Variants in NCKAP5 observed in about 807,000 individuals in gnomAD.
The protein encoded by NCKAP5 is nck-associated protein 5.
In NCKAP5, 92 loss-of-function variants were observed where a neutral mutation model predicts 167.0. That is an observed-to-expected ratio of 0.55 (90% CI 0.47 to 0.66). The LOEUF (loss-of-function observed/expected upper bound fraction) is 0.66, where lower values mean the gene tolerates loss of function less well. Ranked by LOEUF, NCKAP5 falls within the 30% of genes least tolerant of loss-of-function variation. NCKAP5 has a pLI of 0.00. For missense variants in NCKAP5, 2,378 were observed against 2,315.0 expected, an observed-to-expected ratio of 1.03 and a Z score of -0.56; for synonymous variants, 891 against 877.4, an observed-to-expected ratio of 1.02 and a Z score of -0.27.
chr2:133,275,293 T>C (rs1414045516), intron 4 of NCKAP5, among the ~76,000 whole-genome samples: 4 of 152,066 alleles, frequency 2.6e-5, no homozygotes, highest in Non-Finnish European at 5.9e-5. Context: ...CTCTTCCACA[T>C]TGCAGGTGGG....
chr2:132,814,944 T>C (rs1686149063), intron 11 of NCKAP5, among the ~76,000 whole-genome samples: 1 of 152,214 alleles, frequency 6.6e-6, no homozygotes, highest in Non-Finnish European at 1.5e-5. Flanking sequence ...AATGTGAATC[T>C]GTGAAGCAGG....
intron 6 of NCKAP5, among the ~76,000 whole-genome samples, chr2:133,049,071 G>A (rs925546429): frequency 3.3e-5 from 5 of 152,212 alleles, no homozygotes; most frequent in Non-Finnish European, 7.3e-5. Flanking sequence ...ATCATCTGAA[G>A]TGTAAAGAGA....
chr2:133,112,304 C>T (rs1574065465), intron 6 of NCKAP5, among the ~76,000 whole-genome samples: 1 of 152,210 alleles, frequency 6.6e-6, no homozygotes, highest in South Asian at 2.1e-4. Flanking sequence ...GAAACCCCGT[C>T]TCTACTAAAA....
intron 2 of NCKAP5, among the ~76,000 whole-genome samples, chr2:133,534,659 G>A (rs573212761): frequency 6.6e-6 from 1 of 152,124 alleles, no homozygotes; most frequent in East Asian, 1.9e-4. Context: ...GCAGCACGTG[G>A]CAATGCTTCA....
chr2:133,400,106 C>A (rs1688003046), intron 3 of NCKAP5, among the ~76,000 whole-genome samples: 1 of 152,146 alleles, frequency 6.6e-6, no homozygotes, highest in Admixed American at 6.6e-5. Flanking sequence ...CCCACTCCCA[C>A]ACACTTTTTT....
intron 6 of NCKAP5, among the ~76,000 whole-genome samples, chr2:133,092,756 T>G (rs1333585036): frequency 6.6e-6 from 1 of 152,128 alleles, no homozygotes; most frequent in Non-Finnish European, 1.5e-5. Context: ...CGTTTTATGG[T>G]TTTTTGCCCA....
intron 19 of NCKAP5, among the ~76,000 whole-genome samples, chr2:132,704,702 C>T (rs1459325635): frequency 1.3e-5 from 2 of 152,178 alleles, no homozygotes; most frequent in East Asian, 3.9e-4. Flanking sequence ...TCAGTTTAGT[C>T]TCCATGGTTC....
At chr2:133,530,314 T>G (rs1685261904) in intron 2 of NCKAP5, among the ~76,000 whole-genome samples, 1 of 152,124 alleles carries the variant, frequency 6.6e-6, no homozygotes, top group East Asian at 1.9e-4. Context: ...TCACACTGCT[T>G]TAATTATGAG....
At chr2:133,316,107 C>T (rs1681591055) in intron 3 of NCKAP5, among the ~76,000 whole-genome samples, 1 of 152,132 alleles carries the variant, frequency 6.6e-6, no homozygotes, top group Admixed American at 6.5e-5. Flanking sequence ...GCCAGTTCTC[C>T]TTGGGACACT....
chr2:132,965,113 G>A (rs1263438467), intron 7 of NCKAP5, among the ~76,000 whole-genome samples: 2 of 152,100 alleles, frequency 1.3e-5, no homozygotes, highest in Non-Finnish European at 2.9e-5. Context: ...AACCTGTTAT[G>A]TACAGATTTC....
At chr2:133,221,466 T>C (rs189173853) in intron 4 of NCKAP5, among the ~76,000 whole-genome samples, 3 of 152,350 alleles carry the variant, frequency 2.0e-5, no homozygotes, top group Non-Finnish European at 4.4e-5. Flanking sequence ...TTTTATGCAT[T>C]CAGCAAACAC....
intron 11 of NCKAP5, among the ~76,000 whole-genome samples, chr2:132,858,286 T>C (rs1412353675): frequency 6.6e-6 from 1 of 152,034 alleles, no homozygotes; most frequent in East Asian, 1.9e-4. Flanking sequence ...GACTGTGTAG[T>C]GCCTCAACAT....
intron 5 of NCKAP5, among the ~76,000 whole-genome samples, chr2:133,169,278 C>T (rs1246265560): frequency 6.6e-6 from 1 of 152,168 alleles, no homozygotes. Context: ...TCCACCACCT[C>T]GATCTTGAAA....
At position 133,002,016 on chromosome 2, in the gene NCKAP5, A is replaced by G. The variant is rs143952288; in HGVS notation, c.342-7777T>C. On this transcript the variant is annotated intron_variant, in intron 6 of 19. Coordinates refer to ENST00000409261, the MANE Select transcript of NCKAP5 (RefSeq NM_207363.3). ...CAGGATGATGTGTGTAGATTATATG[A>G]AAATATGGTATTATACCATTTTATA... 2.3e-3 allele frequency among the ~76,000 whole-genome samples: 350 copies of G among 152,130 alleles called. 1 individual carries two copies. The highest frequency in any genetic ancestry group is 8.2e-3 in the African/African-American group (341 of 41,478).
intron 3 of NCKAP5, among the ~76,000 whole-genome samples, chr2:133,442,806 G>A (rs1021917017): frequency 5.3e-5 from 8 of 152,232 alleles, no homozygotes; most frequent in African/African-American, 1.9e-4. Context: ...ACAGCCTCAT[G>A]TCAGGCTGTG....
intron 11 of NCKAP5, among the ~76,000 whole-genome samples, chr2:132,832,430 A>G (rs1687589222): frequency 6.6e-6 from 1 of 152,120 alleles, no homozygotes; most frequent in South Asian, 2.1e-4. Context: ...ACATGGATAG[A>G]TTGCATAATG....
intron 3 of NCKAP5, among the ~76,000 whole-genome samples, chr2:133,408,564 A>T (rs1351814250): frequency 6.6e-6 from 1 of 152,170 alleles, no homozygotes; most frequent in African/African-American, 2.4e-5. Context: ...CATGCTGGTG[A>T]CTTGGGGACA....
chr2:133,306,552 C>T (rs917621223), intron 3 of NCKAP5, among the ~76,000 whole-genome samples: 1 of 152,132 alleles, frequency 6.6e-6, no homozygotes, highest in African/African-American at 2.4e-5. Flanking sequence ...GATGAAAAGA[C>T]AGCAGAATTA....
chr2:132,776,932 T>C (rs1682603185), intron 15 of NCKAP5, among the ~76,000 whole-genome samples: 1 of 152,132 alleles, frequency 6.6e-6, no homozygotes. Context: ...GGGAAAGCAC[T>C]GCAAAGAATG....
Sources: gnomAD v4.1 joint callset for allele counts (sites outside exome capture counted in the v4.1 genomes callset) on GRCh38, gnomAD v4.1.1 for gene constraint, MANE v1.5 for transcripts, NCBI Gene and HGNC (gene_info 2026-07-23, HGNC 2026-07-21) for gene names.